Variants in IKZF2 observed in about 807,000 individuals in gnomAD.
The protein encoded by IKZF2 is IKAROS family zinc finger 2, also known as zinc finger protein Helios.
Under a neutral mutation model 49.2 loss-of-function variants are expected in IKZF2, and 15 were observed. The ratio of observed to expected loss-of-function variants is 0.30; its 90% confidence interval spans 0.20 to 0.47. The LOEUF (loss-of-function observed/expected upper bound fraction) is 0.47. Ranked by LOEUF, IKZF2 falls within the 20% of genes least tolerant of loss-of-function variation. The pLI is 1.00. For missense variants in IKZF2, 567 were observed against 664.6 expected (o/e 0.85, Z 1.61); for synonymous variants, 227 against 221.4 (o/e 1.03, Z -0.23).
chr2:213,083,317 T>C (rs73077245), intron 4 of IKZF2, among the ~76,000 whole-genome samples: 146 of 150,686 alleles, frequency 9.7e-4, no homozygotes, highest in African/African-American at 3.5e-3. Context: ...CCATCTCTCA[T>C]ACTACTGCTT....
At chr2:213,104,814 C>T (rs1408762764) in intron 4 of IKZF2, among the ~76,000 whole-genome samples, 3 of 152,194 alleles carry the variant, frequency 2.0e-5, no homozygotes, top group African/African-American at 7.2e-5. Flanking sequence ...AAAAGATCCA[C>T]ATAGCATGCA....
intron 6 of IKZF2, among the ~76,000 whole-genome samples, chr2:213,027,895 T>C (rs1697989907): frequency 6.6e-6 from 1 of 152,134 alleles, no homozygotes; most frequent in South Asian, 2.1e-4. Context: ...ATTTGGATGT[T>C]TGTCCCTTAC....
intron 4 of IKZF2, among the ~76,000 whole-genome samples, chr2:213,057,552 G>T (rs1051734150): frequency 2.6e-5 from 4 of 152,082 alleles, no homozygotes; most frequent in Admixed American, 6.6e-5. Context: ...CAGAGTACTT[G>T]TATAAACCTG....
At chr2:213,009,858 G>A (rs778191109) in intron 8 of IKZF2, among the ~76,000 whole-genome samples, 24 of 152,036 alleles carry the variant, frequency 1.6e-4, no homozygotes, top group Non-Finnish European at 2.2e-4. Context: ...AACATGAGGT[G>A]GAGTAGCTGG....
intron 6 of IKZF2, among the ~76,000 whole-genome samples, chr2:213,041,541 A>G (rs901420950): frequency 1.3e-5 from 2 of 152,100 alleles, no homozygotes; most frequent in South Asian, 2.1e-4. Flanking sequence ...TGACCTCATG[A>G]TCCGCCCACC....
chr2:213,108,526 A>T (rs1357401532), intron 4 of IKZF2, among the ~76,000 whole-genome samples: 1 of 152,146 alleles, frequency 6.6e-6, no homozygotes, highest in Non-Finnish European at 1.5e-5. Context: ...CCACTGCAGT[A>T]GCCATCGGGC....
At chr2:213,119,921 T>C (rs1306205967) in intron 4 of IKZF2, among the ~76,000 whole-genome samples, 1 of 152,244 alleles carries the variant, frequency 6.6e-6, no homozygotes, top group Non-Finnish European at 1.5e-5. Context: ...AGTGAGATAG[T>C]ATCTGTTTGT....
intron 7 of IKZF2, among the ~76,000 whole-genome samples, chr2:213,019,692 T>C (rs1696994953): frequency 6.6e-6 from 1 of 152,192 alleles, no homozygotes; most frequent in Non-Finnish European, 1.5e-5. Context: ...TTCTCCTCTT[T>C]GGTTTTACCC....
At chr2:213,143,182 T>C (rs2060931327) in intron 4 of IKZF2, among the ~76,000 whole-genome samples, 1 of 151,958 alleles carries the variant, frequency 6.6e-6, no homozygotes, top group African/African-American at 2.4e-5. Context: ...AACCCAGAGA[T>C]GAAAATTCAT....
intron 4 of IKZF2, among the ~76,000 whole-genome samples, chr2:213,136,130 G>A (rs1051254704): frequency 1.3e-5 from 2 of 151,510 alleles, no homozygotes; most frequent in Non-Finnish European, 2.9e-5. Context: ...AGCACTTTGG[G>A]AGGCTGAGGC....
chr2:213,143,706 G>A (rs765174715), intron 4 of IKZF2, among the ~76,000 whole-genome samples: 9 of 151,898 alleles, frequency 5.9e-5, no homozygotes, highest in Non-Finnish European at 1.2e-4. Context: ...AAGGGTGACT[G>A]CCAAACTAAG....
At chr2:213,028,200 G>A (rs557941846) in intron 6 of IKZF2, among the ~76,000 whole-genome samples, 1 of 152,024 alleles carries the variant, frequency 6.6e-6, no homozygotes, top group Non-Finnish European at 1.5e-5. Context: ...AAAATCAACT[G>A]ACCAATTTGG....
intron 4 of IKZF2, among the ~76,000 whole-genome samples, chr2:213,108,403 C>T (rs957170262): frequency 6.6e-6 from 1 of 152,060 alleles, no homozygotes; most frequent in African/African-American, 2.4e-5. Flanking sequence ...GATTTGTGTG[C>T]ATGAAAAGAC....
At chr2:213,021,746 G>C in intron 7 of IKZF2, 1 of 556,710 alleles carries the variant, frequency 1.8e-6, no homozygotes, top group Non-Finnish European at 3.3e-6. Context: ...AAAAAGAAGA[G>C]TAAATAGTAC....
At chr2:213,077,291 AAATTG>A (rs1703374506) in intron 4 of IKZF2, among the ~76,000 whole-genome samples, 1 of 152,198 alleles carries the variant, frequency 6.6e-6, no homozygotes, top group Non-Finnish European at 1.5e-5. Context: ...TATAGATATT[AAATTG>A]TAGTATTCCA....
intron 4 of IKZF2, among the ~76,000 whole-genome samples, chr2:213,143,463 C>A (rs2060941751): frequency 6.6e-6 from 1 of 151,910 alleles, no homozygotes; most frequent in Non-Finnish European, 1.5e-5. Flanking sequence ...ACCTCTTTTA[C>A]TTTCCTTTTT....
intron 7 of IKZF2, chr2:213,021,558 A>G (rs960402575): frequency 6.0e-6 from 2 of 333,768 alleles, no homozygotes; most frequent in African/African-American, 4.4e-5. Flanking sequence ...ATTGTTTTGC[A>G]CATTGTAGAA....
chr2:213,140,592 TTAATC>T (rs2060830523), intron 4 of IKZF2, among the ~76,000 whole-genome samples: 1 of 151,940 alleles, frequency 6.6e-6, no homozygotes, highest in African/African-American at 2.4e-5. Flanking sequence ...ATGGCATACA[TTAATC>T]TTATGATTTT....
rs1403491791 is a variant in IKZF2, at chr2:213,006,535, T to C, written c.*825A>G. ...AAGTAGAAGTCCCTCCCAGAAATTA[T>C]TGACTGCCTTTTATCCACTCTTAGA... On this transcript the variant is annotated 3_prime_UTR_variant, in exon 9 of 9. Coordinates refer to ENST00000434687, the MANE Select transcript of IKZF2 (RefSeq NM_001387220.1). 3.3e-5 allele frequency: 5 copies of C among 152,524 alleles called. No homozygotes were observed. Among genetic ancestry groups the C allele is most frequent in the African/African-American group, 7.2e-5 (3 of 41,454 alleles). The allele number at this position is 152,524 out of a possible 1,614,324, so 9.4% of individuals were successfully genotyped here. A position where few individuals can be genotyped will look rare whatever the true frequency, so the allele number is the denominator to read the frequency against.
Sources: allele counts gnomAD v4.1 joint callset (sites outside exome capture counted in the v4.1 genomes callset), GRCh38; gene constraint gnomAD v4.1.1; transcripts MANE v1.5; gene names NCBI Gene and HGNC (gene_info 2026-07-23, HGNC 2026-07-21).